Variants in ZMYND12 observed in about 807,000 individuals in gnomAD.
The protein encoded by ZMYND12 is zinc finger MYND domain-containing protein 12.
In ZMYND12, 32 loss-of-function variants were observed where a neutral mutation model predicts 41.7. That is an observed-to-expected ratio of 0.77 (90% CI 0.58 to 1.03). The LOEUF is 1.03. Among genes scored for constraint, ZMYND12 ranks in the 50% least tolerant of loss-of-function variants. The pLI is 0.00. For missense variants in ZMYND12, 424 were observed against 438.5 expected, an observed-to-expected ratio of 0.97 and a Z score of 0.30; for synonymous variants, 148 against 164.8, an observed-to-expected ratio of 0.90 and a Z score of 0.78.
At chr1:42,432,067 T>C (rs1350829516) in intron 7 of ZMYND12, among the ~76,000 whole-genome samples, 1 of 149,318 alleles carries the variant, frequency 6.7e-6, no homozygotes, top group Non-Finnish European at 1.5e-5. Context: ...TTTCTTTTTT[T>C]TTTTTTTGAG....
intron 3 of ZMYND12, among the ~76,000 whole-genome samples, chr1:42,443,107 C>G (rs1468746567): frequency 6.6e-6 from 1 of 152,056 alleles, no homozygotes; most frequent in African/African-American, 2.4e-5. Flanking sequence ...GAGGCAATGC[C>G]AAAGAATGAA....
chr1:42,449,879 C>T, intron 2 of ZMYND12, 39 bp downstream of exon 2: 2 of 1,602,850 alleles, frequency 1.2e-6, no homozygotes, highest in Non-Finnish European at 1.7e-6. Flanking sequence ...AGCTTCACCG[C>T]ACCTACGACT....
intron 4 of ZMYND12, among the ~76,000 whole-genome samples, chr1:42,438,051 T>C (rs1289877859): frequency 6.6e-6 from 1 of 150,482 alleles, no homozygotes; most frequent in Non-Finnish European, 1.5e-5. Context: ...CCTCATGATC[T>C]GCCTGCCTCA....
chr1:42,430,724 G>A lies in ZMYND12; in HGVS notation c.*12C>T. ...CCCCTGGAATAACCCTTGATGCAGA[G>A]CTCATGGGTCACTAAGTAATGGGAT... On this transcript the variant is annotated 3_prime_UTR_variant, in exon 8 of 8. Transcript: ENST00000372565. The A allele has an allele frequency of 6.2e-7, 1 of 1,613,944 alleles. No homozygotes were observed. Among genetic ancestry groups the A allele is most frequent in the Non-Finnish European group, 8.5e-7 (1 of 1,179,824 alleles).
chr1:42,445,840 G>T lies in ZMYND12; in HGVS notation c.424+2627C>A, dbSNP rs1470812016. On this transcript the variant is annotated intron_variant, in intron 3 of 7. Transcript: ENST00000372565. ...GGAGGGAGGCCAGAGATGATGTGGG[G>T]AGACCAGTTAGTAGGCAGTGGTCTA... 3.9e-5 allele frequency among the ~76,000 whole-genome samples: 6 copies of T among 152,162 alleles called. No individual in the cohort carries two copies. In the East Asian group the frequency reaches 1.2e-3, roughly 29 times the overall value.
chr1:42,441,542 C>T (rs1184651282), intron 3 of ZMYND12, among the ~76,000 whole-genome samples: 1 of 152,148 alleles, frequency 6.6e-6, no homozygotes, highest in African/African-American at 2.4e-5. Flanking sequence ...AGTTGTTCTA[C>T]TATATCATTT....
intron 6 of ZMYND12, 23 bp downstream of exon 6, chr1:42,435,251 C>A: frequency 6.4e-7 from 1 of 1,566,740 alleles, no homozygotes; most frequent in South Asian, 1.1e-5. Context: ...ACTGCTCTCC[C>A]TTCAGGGAAA....
At chr1:42,442,318 G>A (rs79062204) in intron 3 of ZMYND12, among the ~76,000 whole-genome samples, 20,661 of 152,110 alleles carry the variant, frequency 0.14, 1,525 homozygotes, top group East Asian at 0.18. Flanking sequence ...GCACGCTTAA[G>A]AGCCTGAAAC....
intron 4 of ZMYND12, among the ~76,000 whole-genome samples, chr1:42,436,895 A>C (rs1324692393): frequency 6.6e-6 from 1 of 152,158 alleles, no homozygotes; most frequent in African/African-American, 2.4e-5. Flanking sequence ...GCCTCTGTGG[A>C]AACAGTTTGG....
chr1:42,449,455 T>C (rs1052289067), intron 2 of ZMYND12, among the ~76,000 whole-genome samples: 1 of 152,172 alleles, frequency 6.6e-6, no homozygotes, highest in African/African-American at 2.4e-5. Flanking sequence ...AATGAGGCCA[T>C]TAGGGTGGGC....
intron 3 of ZMYND12, among the ~76,000 whole-genome samples, chr1:42,443,120 C>T (rs2148407624): frequency 6.6e-6 from 1 of 152,334 alleles, no homozygotes; most frequent in East Asian, 1.9e-4. Flanking sequence ...AGAATGAAGA[C>T]TCCAAGGCCC....
At chr1:42,445,462 C>A (rs969551330) in intron 3 of ZMYND12, among the ~76,000 whole-genome samples, 2 of 149,708 alleles carry the variant, frequency 1.3e-5, no homozygotes, top group African/African-American at 4.9e-5. Context: ...GGAGACCCAA[C>A]CTGGTCTGGA....
chr1:42,440,740 G>A (rs1414847362), intron 3 of ZMYND12, among the ~76,000 whole-genome samples: 2 of 151,986 alleles, frequency 1.3e-5, no homozygotes, highest in Admixed American at 6.6e-5. Flanking sequence ...CGCGATCTCG[G>A]CTCACTACAA....
chr1:42,446,700 G>A (rs1163896231), intron 3 of ZMYND12, among the ~76,000 whole-genome samples: 1 of 151,738 alleles, frequency 6.6e-6, no homozygotes, highest in Non-Finnish European at 1.5e-5. Context: ...CAGATGTAAT[G>A]TGTGTATACG....
chr1:42,437,691 T>G (rs1006573259), intron 4 of ZMYND12, among the ~76,000 whole-genome samples: 2 of 150,678 alleles, frequency 1.3e-5, no homozygotes, highest in South Asian at 4.2e-4. Flanking sequence ...TTTCATATTT[T>G]TTTTTTTGGA....
At chr1:42,446,016 A>G (rs1239687826) in intron 3 of ZMYND12, among the ~76,000 whole-genome samples, 1 of 152,082 alleles carries the variant, frequency 6.6e-6, no homozygotes, top group Non-Finnish European at 1.5e-5. Flanking sequence ...GGGGTGTCAG[A>G]CCTGGGCAGG....
intron 2 of ZMYND12, among the ~76,000 whole-genome samples, chr1:42,449,347 T>C (rs1401391701): frequency 6.6e-6 from 1 of 152,202 alleles, no homozygotes; most frequent in Non-Finnish European, 1.5e-5. Flanking sequence ...TGGGCTGAAC[T>C]GTGTCCCCTG....
intron 4 of ZMYND12, among the ~76,000 whole-genome samples, chr1:42,439,479 C>T (rs570303792): frequency 3.4e-4 from 52 of 152,118 alleles, no homozygotes; most frequent in Admixed American, 1.3e-3. Flanking sequence ...TTGGCCAGGA[C>T]GGTCTCAATC....
chr1:42,436,512 T>A lies in ZMYND12; in HGVS notation c.626A>T (p.Glu209Val), dbSNP rs1442541809. 6.2e-7 allele frequency: 1 copy of A among 1,613,600 alleles called. No homozygotes were observed. Among genetic ancestry groups the A allele is most frequent in the Non-Finnish European group, 8.5e-7 (1 of 1,179,568 alleles). ...GTAGCCTCCTGAAGTCCTAATGTCC[T>A]CTGTTCCAAATGCACAACTGGCAAA... is the stretch of plus-strand genomic sequence containing the variant. ...IYFASCAFGT[E>V]DIRTSGGYFH... The change falls in exon 5 of 8, where the codon GAG (glutamate) becomes GTG (valine). Residue 209 changes from glutamate to valine, a missense_variant. Glu to Val is a moderately radical substitution (Grantham distance 121, BLOSUM62 -2). Coordinates refer to ENST00000372565, the MANE Select transcript of ZMYND12 (RefSeq NM_032257.5).
Sources: gnomAD v4.1 joint callset for allele counts (sites outside exome capture counted in the v4.1 genomes callset) on GRCh38, gnomAD v4.1.1 for gene constraint, MANE v1.5 for transcripts, NCBI Gene and HGNC (gene_info 2026-07-23, HGNC 2026-07-21) for gene names.